The following CHCHD3 variants were observed in gnomAD, a reference collection of about 807,000 sequenced individuals.
The protein encoded by CHCHD3 is coiled-coil-helix-coiled-coil-helix domain containing 3.
CHCHD3 carries 20 observed loss-of-function variants against 38.2 expected under a neutral mutation model. That is an observed-to-expected ratio of 0.52 (90% CI 0.37 to 0.76). CHCHD3 has a LOEUF of 0.76. Ranked by LOEUF, CHCHD3 falls within the 30% of genes least tolerant of loss-of-function variation. The pLI, the probability that CHCHD3 is intolerant of heterozygous loss-of-function variation, is 0.00. For synonymous variants in CHCHD3, 82 were observed against 100.0 expected (o/e 0.82, Z 1.07); for missense variants, 245 against 279.2 (o/e 0.88, Z 0.87).
intron 1 of CHCHD3, among the ~76,000 whole-genome samples, chr7:133,074,464 T>TCTGAGAAA (rs1814917914): frequency 6.6e-6 from 1 of 152,162 alleles, no homozygotes; most frequent in South Asian, 2.1e-4. Flanking sequence ...CTGAAACCCA[T>TCTGAGAAA]CTGAGAAACT....
At chr7:133,047,682 G>A in intron 2 of CHCHD3, among the ~76,000 whole-genome samples, 1 of 152,136 alleles carries the variant, frequency 6.6e-6, no homozygotes. Flanking sequence ...CTCAGCTAAT[G>A]CAGACAAAAA....
intron 2 of CHCHD3, among the ~76,000 whole-genome samples, chr7:133,031,005 CA>C (rs1813485167): frequency 6.6e-6 from 1 of 152,078 alleles, no homozygotes; most frequent in Non-Finnish European, 1.5e-5. Context: ...TTGGCTAGTC[CA>C]AGGGTCTTCT....
In CHCHD3 at chr7:133,035,597, G is replaced by A. The variant is rs1813650334; in HGVS notation, c.170-10970C>T. Reference sequence around the variant, plus strand: ...TGGGGAACACCCAGGTACTGGCTGGGGGCACTATATCGGAATCAGCAAAGC... The same window carrying A: ...TGGGGAACACCCAGGTACTGGCTGGAGGCACTATATCGGAATCAGCAAAGC... On this transcript the variant is annotated intron_variant, in intron 2 of 7. Coordinates refer to ENST00000262570, the MANE Select transcript of CHCHD3 (RefSeq NM_017812.4). The surrounding 1 kb of genome is among the most constrained non-coding windows in gnomAD (Gnocchi z 4.7). 6.2e-7 allele frequency: 1 copy of A among 1,613,026 alleles called. No homozygotes were observed.
intron 3 of CHCHD3, among the ~76,000 whole-genome samples, chr7:132,995,221 A>T (rs1812383375): frequency 2.0e-5 from 3 of 152,238 alleles, no homozygotes; most frequent in Admixed American, 2.0e-4. Flanking sequence ...TTCTTTTTTT[A>T]AAACCATTTT....
chr7:132,898,838 C>T (rs1809585920), intron 4 of CHCHD3, among the ~76,000 whole-genome samples: 1 of 152,238 alleles, frequency 6.6e-6, no homozygotes, highest in African/African-American at 2.4e-5. Flanking sequence ...CCTCTGCAGC[C>T]ACTGGCCCAG....
intron 3 of CHCHD3, among the ~76,000 whole-genome samples, chr7:133,016,967 G>A (rs1467388697): frequency 6.6e-6 from 1 of 152,152 alleles, no homozygotes; most frequent in Non-Finnish European, 1.5e-5. Context: ...AAACAGAATC[G>A]AGTCTATCCA....
intron 3 of CHCHD3, among the ~76,000 whole-genome samples, chr7:132,977,096 A>G (rs970282626): frequency 3.3e-5 from 5 of 152,254 alleles, no homozygotes; most frequent in African/African-American, 1.2e-4. Context: ...AAATTCAGCA[A>G]CATCAATGAT....
intron 5 of CHCHD3, among the ~76,000 whole-genome samples, chr7:132,863,099 T>C (rs1808534948): frequency 6.6e-6 from 1 of 152,234 alleles, no homozygotes; most frequent in Non-Finnish European, 1.5e-5. Context: ...GCATCTAGAA[T>C]GGTAACTCTT....
chr7:132,955,395 T>G (rs1208872374), intron 4 of CHCHD3, among the ~76,000 whole-genome samples: 3 of 152,148 alleles, frequency 2.0e-5, no homozygotes, highest in Admixed American at 2.0e-4. Context: ...GGGCAAAAAG[T>G]ACTTGTTAGT....
At chr7:132,989,553 C>A (rs1812213895) in intron 3 of CHCHD3, among the ~76,000 whole-genome samples, 1 of 152,192 alleles carries the variant, frequency 6.6e-6, no homozygotes, top group Non-Finnish European at 1.5e-5. Flanking sequence ...GTCCCTATTT[C>A]AGTTCTCATT....
At chr7:132,854,431 A>G (rs1808296967) in intron 5 of CHCHD3, among the ~76,000 whole-genome samples, 1 of 152,194 alleles carries the variant, frequency 6.6e-6, no homozygotes, top group Non-Finnish European at 1.5e-5. Context: ...AAGAATAAGG[A>G]CAGTTACGCA....
chr7:132,787,560 G>A lies in CHCHD3; in HGVS notation c.661-1900C>T, dbSNP rs1233590897. 3.9e-5 allele frequency among the ~76,000 whole-genome samples: 6 copies of A among 152,198 alleles called. No homozygotes were observed. The East Asian group carries it at 1.2e-3, about 29-fold the overall frequency. On this transcript the variant is annotated intron_variant, in intron 7 of 7. Transcript: ENST00000262570. The stretch of plus-strand genomic sequence containing the variant: ...TTGGGTTTGTGAGGCAATTTTGGGT[G>A]AGACATCCAAAATGGAAATGTCTAG...
At chr7:132,956,399 A>G (rs1562920603) in intron 4 of CHCHD3, among the ~76,000 whole-genome samples, 1 of 152,228 alleles carries the variant, frequency 6.6e-6, no homozygotes, top group Non-Finnish European at 1.5e-5. Flanking sequence ...ATAATTCTTC[A>G]ATCAATGGAA....
At chr7:132,827,402 T>C (rs769084710) in intron 6 of CHCHD3, among the ~76,000 whole-genome samples, 29 of 152,242 alleles carry the variant, frequency 1.9e-4, no homozygotes, top group Non-Finnish European at 2.2e-4. Context: ...GGTCATTTTC[T>C]TCCTGAGGCA....
intron 3 of CHCHD3, among the ~76,000 whole-genome samples, chr7:133,000,173 T>C (rs1812529263): frequency 6.6e-6 from 1 of 152,142 alleles, no homozygotes; most frequent in Non-Finnish European, 1.5e-5. Context: ...GAGACCTTAA[T>C]TGCCACCAGA....
intron 2 of CHCHD3, among the ~76,000 whole-genome samples, chr7:133,050,039 G>A (rs1814106956): frequency 6.6e-6 from 1 of 152,090 alleles, no homozygotes; most frequent in African/African-American, 2.4e-5. Context: ...CAAGAAGGCA[G>A]TAGCATCAAA....
At chr7:132,865,396 T>C (rs1361978367) in intron 5 of CHCHD3, among the ~76,000 whole-genome samples, 1 of 152,054 alleles carries the variant, frequency 6.6e-6, no homozygotes, top group Non-Finnish European at 1.5e-5. Flanking sequence ...AAGGTGGTGG[T>C]TGGGGGGAAC....
chr7:132,827,670 A>G (rs1807539635), intron 6 of CHCHD3, among the ~76,000 whole-genome samples: 1 of 152,182 alleles, frequency 6.6e-6, no homozygotes, highest in Non-Finnish European at 1.5e-5. Context: ...ATATTCCCAA[A>G]ATCTCAGAAA....
chr7:132,831,435 A>G (rs111642060), intron 6 of CHCHD3, among the ~76,000 whole-genome samples: 22 of 152,328 alleles, frequency 1.4e-4, no homozygotes, highest in African/African-American at 4.6e-4. Context: ...GTAGACATCA[A>G]TACGTGTTAG....
Sources: allele counts gnomAD v4.1 joint callset (sites outside exome capture counted in the v4.1 genomes callset), GRCh38; gene constraint gnomAD v4.1.1; non-coding constraint Gnocchi (gnomAD v3.1); transcripts MANE v1.5; gene names NCBI Gene and HGNC (gene_info 2026-07-23, HGNC 2026-07-21).